Variants in PLXNA4 observed in about 807,000 individuals in gnomAD.
PLXNA4 encodes plexin-A4.
Under a neutral mutation model 191.8 loss-of-function variants are expected in PLXNA4, and 44 were observed. The observed-to-expected ratio is 0.23, with a 90% CI of 0.18 to 0.29. PLXNA4 has a LOEUF of 0.29. Among genes scored for constraint, PLXNA4 ranks in the 10% least tolerant of loss-of-function variants. The pLI is 1.00. For missense variants in PLXNA4, 1,800 were observed against 2,488.8 expected (o/e 0.72, Z 5.89); for synonymous variants, 1,082 against 1,009.5 (o/e 1.07, Z -1.36).
rs145856382 is a variant in PLXNA4, at chr7:132,336,105, C to T, written c.1372-37883G>A. Among the ~76,000 whole-genome samples the T allele has an allele frequency of 8.2e-4, 125 of 152,272 alleles. 1 individual carries two copies. The highest frequency in any genetic ancestry group is 3.4e-3 in the Middle Eastern group (1 of 294). The stretch of plus-strand genomic sequence containing the variant: ...TACCATGGATGGCAAGATTCAAGGC[C>T]CCAGCTGAGAAGAATAACAAGGAAA... On this transcript the variant is annotated intron_variant, in intron 3 of 31. Coordinates refer to ENST00000321063, the MANE Select transcript of PLXNA4 (RefSeq NM_020911.2).
Position 132,149,924 on chromosome 7 carries a change from A to C in PLXNA4, c.4661-1278T>G, listed in dbSNP as rs529843983. On this transcript the variant is annotated intron_variant, in intron 25 of 31. Coordinates refer to ENST00000321063, the MANE Select transcript of PLXNA4 (RefSeq NM_020911.2). ...GTATTTGTTGTGGTCTGTGCTGCCA[A>C]CCCCATTTCACAGATGGCATGCCCT... Among the ~76,000 whole-genome samples the C allele has an allele frequency of 3.3e-5, 5 of 152,244 alleles. No homozygotes were observed. The East Asian group carries it at 9.7e-4, about 29-fold the overall frequency.
At chr7:132,457,841 C>T (rs930192998) in intron 3 of PLXNA4, among the ~76,000 whole-genome samples, 52 of 152,152 alleles carry the variant, frequency 3.4e-4, no homozygotes, top group Non-Finnish European at 6.8e-4. Context: ...CAAAAGGAGC[C>T]ATGAGCCAAG....
At chr7:132,484,738 C>T (rs1797477624) in intron 3 of PLXNA4, 5 of 1,582,014 alleles carry the variant, frequency 3.2e-6, no homozygotes, top group Admixed American at 3.4e-5. Context: ...TTTCCTGACA[C>T]TTCCATCCAT....
At chr7:132,388,638 A>G (rs1400500830) in intron 3 of PLXNA4, among the ~76,000 whole-genome samples, 1 of 152,214 alleles carries the variant, frequency 6.6e-6, no homozygotes, top group Non-Finnish European at 1.5e-5. Context: ...TTGAAGGATA[A>G]GTACGTATGA....
At chr7:132,428,516 G>T (rs1475749063) in intron 3 of PLXNA4, among the ~76,000 whole-genome samples, 1 of 152,218 alleles carries the variant, frequency 6.6e-6, no homozygotes, top group Non-Finnish European at 1.5e-5. Context: ...TGGGTCTCTA[G>T]GGCCCGAGAG....
intron 3 of PLXNA4, among the ~76,000 whole-genome samples, chr7:132,395,299 A>C (rs1214286750): frequency 6.6e-6 from 1 of 152,178 alleles, no homozygotes; most frequent in Non-Finnish European, 1.5e-5. Flanking sequence ...GGCTGAGGAC[A>C]AGGGGCTGGC....
At chr7:132,132,563 C>T (rs964757226) in intron 31 of PLXNA4, among the ~76,000 whole-genome samples, 71 of 82,652 alleles carry the variant, frequency 8.6e-4, no homozygotes, top group Non-Finnish European at 1.5e-3. Flanking sequence ...TTCTATTCTA[C>T]TCCGTTCCAT....
In PLXNA4 at chr7:132,484,970, A is replaced by T. The variant is rs375890053; in HGVS notation, c.1371+4322T>A. The T allele has an allele frequency of 1.8e-5, 29 of 1,614,002 alleles. No individual in the cohort carries two copies. The African/African-American group carries it at 3.5e-4, about 19-fold the overall frequency. On this transcript the variant is annotated intron_variant, in intron 3 of 31. Coordinates refer to ENST00000321063, the MANE Select transcript of PLXNA4 (RefSeq NM_020911.2). Reference sequence around the variant, plus strand: ...CCCAGGTGGGTCTCCCTCCACTCCAATCCACTCCTGGGTGATTCCCCCTTG... The same window carrying T: ...CCCAGGTGGGTCTCCCTCCACTCCATTCCACTCCTGGGTGATTCCCCCTTG...
intron 2 of PLXNA4, among the ~76,000 whole-genome samples, chr7:132,592,572 A>G (rs1191601446): frequency 6.6e-6 from 1 of 151,470 alleles, no homozygotes; most frequent in Non-Finnish European, 1.5e-5. Flanking sequence ...ACCCACATTA[A>G]ATTCTCGTTT....
At chr7:132,329,421 T>C (rs1273633959) in intron 3 of PLXNA4, among the ~76,000 whole-genome samples, 3 of 152,192 alleles carry the variant, frequency 2.0e-5, no homozygotes, top group African/African-American at 7.2e-5. Context: ...TGCCTCCTGT[T>C]TGTGCCCCCC....
At chr7:132,249,536 G>A (rs770460706) in intron 4 of PLXNA4, among the ~76,000 whole-genome samples, 2 of 152,160 alleles carry the variant, frequency 1.3e-5, no homozygotes, top group Non-Finnish European at 2.9e-5. Context: ...TCCCAGTGTG[G>A]GCTGCGCTAA....
chr7:132,301,764 T>C (rs548832584), intron 3 of PLXNA4, among the ~76,000 whole-genome samples: 14 of 152,248 alleles, frequency 9.2e-5, no homozygotes, highest in Non-Finnish European at 1.6e-4. Context: ...TGAATGAAGA[T>C]GCTGTTGTAA....
chr7:132,613,025 A>C (rs1281479581), intron 2 of PLXNA4, among the ~76,000 whole-genome samples: 1 of 152,230 alleles, frequency 6.6e-6, no homozygotes, highest in Non-Finnish European at 1.5e-5. Flanking sequence ...CTTTGTTGAA[A>C]AGATGTTAAG....
chr7:132,443,229 C>A (rs1398999646), intron 3 of PLXNA4, among the ~76,000 whole-genome samples: 7 of 152,122 alleles, frequency 4.6e-5, no homozygotes. Flanking sequence ...CTTTTTGTGG[C>A]CATGTTCCTA....
intron 8 of PLXNA4, among the ~76,000 whole-genome samples, chr7:132,224,692 C>T (rs770462963): frequency 2.0e-5 from 3 of 152,174 alleles, no homozygotes; most frequent in Non-Finnish European, 4.4e-5. Flanking sequence ...AGGGATTAGG[C>T]CACCGAGTGG....
At chr7:132,592,952 G>C (rs1802630253) in intron 2 of PLXNA4, among the ~76,000 whole-genome samples, 1 of 151,476 alleles carries the variant, frequency 6.6e-6, no homozygotes, top group African/African-American at 2.4e-5. Context: ...ATTTGGTTTA[G>C]AGGAGGTCCC....
At chr7:132,314,983 C>T (rs1391191685) in intron 3 of PLXNA4, among the ~76,000 whole-genome samples, 1 of 152,224 alleles carries the variant, frequency 6.6e-6, no homozygotes, top group East Asian at 1.9e-4. Flanking sequence ...ATCAGAGACA[C>T]TCCATAAATA....
intron 9 of PLXNA4, among the ~76,000 whole-genome samples, chr7:132,212,295 G>A (rs188502144): frequency 2.0e-4 from 31 of 152,308 alleles, no homozygotes; most frequent in Middle Eastern, 3.4e-3. Flanking sequence ...AGCAGAGTAA[G>A]GCAGAAAGGA....
At chr7:132,475,734 T>C (rs942467908) in intron 3 of PLXNA4, among the ~76,000 whole-genome samples, 2 of 151,834 alleles carry the variant, frequency 1.3e-5, no homozygotes, top group Admixed American at 1.3e-4. Flanking sequence ...AACATGCAAA[T>C]TGAAGGCAGA....
Sources: gnomAD v4.1 joint callset for allele counts (sites outside exome capture counted in the v4.1 genomes callset) on GRCh38, gnomAD v4.1.1 for gene constraint, MANE v1.5 for transcripts, NCBI Gene and HGNC (gene_info 2026-07-23, HGNC 2026-07-21) for gene names.